The following SH3GL2 variants were observed in gnomAD, a reference collection of about 807,000 sequenced individuals.
SH3GL2 encodes SH3 domain containing GRB2 like 2, endophilin A1.
In SH3GL2, 24 loss-of-function variants were observed where a neutral mutation model predicts 46.0. The ratio of observed to expected loss-of-function variants is 0.52; its 90% CI spans 0.38 to 0.73. The LOEUF is 0.73. SH3GL2 is among the 30% of genes least tolerant of loss of function. The pLI, the probability that SH3GL2 is intolerant of heterozygous loss-of-function variation, is 0.00. For missense variants in SH3GL2, 413 were observed against 424.2 expected, an observed-to-expected ratio of 0.97 and a Z score of 0.23; for synonymous variants, 196 against 147.1, an observed-to-expected ratio of 1.33 and a Z score of -2.40.
chr9:17,690,961 CA>C (rs1456054916), intron 1 of SH3GL2, among the ~76,000 whole-genome samples: 1 of 152,118 alleles, frequency 6.6e-6, no homozygotes, highest in Non-Finnish European at 1.5e-5. Context: ...ACCTAGCCTT[CA>C]AAAACCTTAC....
intron 5 of SH3GL2, 44 bp downstream of exon 5, chr9:17,787,557 A>G (rs1420231445): frequency 6.5e-7 from 1 of 1,540,438 alleles, no homozygotes; most frequent in African/African-American, 1.4e-5. Context: ...TTGAAATCAT[A>G]CAGATGCAGA....
At chr9:17,617,603 C>G (rs1819033684) in intron 1 of SH3GL2, among the ~76,000 whole-genome samples, 1 of 152,152 alleles carries the variant, frequency 6.6e-6, no homozygotes, top group Non-Finnish European at 1.5e-5. Context: ...TTTGAAGATG[C>G]CTGTTAACAT....
intron 1 of SH3GL2, among the ~76,000 whole-genome samples, chr9:17,680,949 T>A (rs1390195231): frequency 1.3e-5 from 2 of 152,112 alleles, no homozygotes; most frequent in African/African-American, 4.8e-5. Flanking sequence ...TTTGAGTGAG[T>A]TTCTTAATCC....
At chr9:17,720,534 G>T (rs1409594473) in intron 1 of SH3GL2, among the ~76,000 whole-genome samples, 3 of 152,054 alleles carry the variant, frequency 2.0e-5, no homozygotes, top group East Asian at 3.9e-4. Flanking sequence ...GGTTTGAACA[G>T]TTGGCAGCGC....
At chr9:17,741,360 T>C (rs12554784) in intron 1 of SH3GL2, among the ~76,000 whole-genome samples, 23,535 of 152,166 alleles carry the variant, frequency 0.15, 2,098 homozygotes, top group Admixed American at 0.25. Context: ...ATTTAGACGG[T>C]AGCAAGATTA....
rs78105209 is a variant in SH3GL2 at position 17,694,749 on chromosome 9, A to G, written c.46-52317A>G. 4.5e-3 allele frequency among the ~76,000 whole-genome samples: 681 copies of G among 152,302 alleles called. 10 individuals carry two copies. Among genetic ancestry groups the G allele is most frequent in the East Asian group, 0.028 (143 of 5,178 alleles). ...TTTTCCATGTGCCAGTAAAATGGGA[A>G]TGGTGATTTCCTTAAGGTATTGCTC... is the stretch of plus-strand genomic sequence containing the variant. On this transcript the variant is annotated intron_variant, in intron 1 of 8. Transcript: ENST00000380607.
intron 1 of SH3GL2, among the ~76,000 whole-genome samples, chr9:17,613,124 T>A (rs1818906700): frequency 6.6e-6 from 1 of 152,228 alleles, no homozygotes; most frequent in African/African-American, 2.4e-5. Flanking sequence ...TACGGTCTTT[T>A]ATTGTACAAT....
intron 1 of SH3GL2, among the ~76,000 whole-genome samples, chr9:17,657,994 G>C (rs1820129202): frequency 6.6e-6 from 1 of 152,196 alleles, no homozygotes; most frequent in African/African-American, 2.4e-5. Flanking sequence ...GACAGTTGTT[G>C]TAGATGAGCA....
intron 1 of SH3GL2, among the ~76,000 whole-genome samples, chr9:17,658,347 C>G (rs573519519): frequency 5.8e-4 from 88 of 152,284 alleles, no homozygotes; most frequent in Non-Finnish European, 8.1e-4. Flanking sequence ...TATACTGCTT[C>G]CTGTTCGTTT....
At chr9:17,727,849 C>G (rs531138182) in intron 1 of SH3GL2, among the ~76,000 whole-genome samples, 6 of 152,192 alleles carry the variant, frequency 3.9e-5, no homozygotes, top group African/African-American at 1.4e-4. Context: ...TCTTCTGGCT[C>G]CTTCCCTCTG....
chr9:17,661,467 A>C (rs1820213048), intron 1 of SH3GL2, among the ~76,000 whole-genome samples: 1 of 152,220 alleles, frequency 6.6e-6, no homozygotes, highest in Non-Finnish European at 1.5e-5. Context: ...AAGATGAAGA[A>C]GGAAATAACA....
chr9:17,706,615 A>G (rs1006109339), intron 1 of SH3GL2, among the ~76,000 whole-genome samples: 3 of 152,058 alleles, frequency 2.0e-5, no homozygotes, highest in Non-Finnish European at 2.9e-5. Context: ...ATTATATGAC[A>G]TATACTGTTC....
At chr9:17,710,740 T>C (rs908122028) in intron 1 of SH3GL2, among the ~76,000 whole-genome samples, 2 of 151,946 alleles carry the variant, frequency 1.3e-5, no homozygotes, top group African/African-American at 4.8e-5. Context: ...TATCCTACAA[T>C]AGGGATAAAC....
intron 1 of SH3GL2, among the ~76,000 whole-genome samples, chr9:17,638,976 A>T (rs1342351018): frequency 6.6e-6 from 1 of 152,172 alleles, no homozygotes; most frequent in Non-Finnish European, 1.5e-5. Flanking sequence ...TCAATTATTA[A>T]CCCTGGTTGT....
At chr9:17,669,872 G>A (rs1820430691) in intron 1 of SH3GL2, among the ~76,000 whole-genome samples, 1 of 152,120 alleles carries the variant, frequency 6.6e-6, no homozygotes, top group Non-Finnish European at 1.5e-5. Context: ...CAAGGGTGAA[G>A]TTTAGAGCAG....
intron 1 of SH3GL2, among the ~76,000 whole-genome samples, chr9:17,600,432 G>C (rs1037360951): frequency 8.5e-5 from 13 of 152,190 alleles, no homozygotes; most frequent in African/African-American, 2.9e-4. Flanking sequence ...CAGGGAGACG[G>C]TTAAACAGCA....
chr9:17,621,873 C>T (rs532716068), intron 1 of SH3GL2, among the ~76,000 whole-genome samples: 8 of 152,214 alleles, frequency 5.3e-5, no homozygotes, highest in East Asian at 3.9e-4. Flanking sequence ...CCATAAGTGC[C>T]GCAGTTTTTG....
intron 3 of SH3GL2, among the ~76,000 whole-genome samples, chr9:17,777,976 G>A (rs9406723): frequency 0.11 from 17,365 of 151,366 alleles, 1,117 homozygotes; most frequent in Admixed American, 0.15. Context: ...ATTTATAGCC[G>A]AACCCACCAA....
At chr9:17,719,414 T>C (rs1821838277) in intron 1 of SH3GL2, among the ~76,000 whole-genome samples, 1 of 152,144 alleles carries the variant, frequency 6.6e-6, no homozygotes, top group Admixed American at 6.5e-5. Flanking sequence ...CTTATAAATA[T>C]GAAGAAGGGA....
Sources: gnomAD v4.1 joint callset for allele counts (sites outside exome capture counted in the v4.1 genomes callset) on GRCh38, gnomAD v4.1.1 for gene constraint, MANE v1.5 for transcripts, NCBI Gene and HGNC (gene_info 2026-07-23, HGNC 2026-07-21) for gene names.